The following ERC2 variants were observed in gnomAD, a reference collection of about 807,000 sequenced individuals.
The protein encoded by ERC2 is ERC protein 2.
In ERC2, 42 loss-of-function variants were observed where a neutral mutation model predicts 114.8. The observed-to-expected ratio is 0.37, with a 90% CI of 0.29 to 0.47. ERC2 has a LOEUF of 0.47. ERC2 is among the 20% of genes least tolerant of loss of function. The pLI is 0.99. For synonymous variants in ERC2, 454 were observed against 425.5 expected (o/e 1.07, Z -0.82); for missense variants, 939 against 1,150.7 (o/e 0.82, Z 2.66).
chr3:55,910,653 TGTGA>T (rs542404233), intron 13 of ERC2, among the ~76,000 whole-genome samples: 5 of 152,326 alleles, frequency 3.3e-5, no homozygotes, highest in Admixed American at 3.3e-4. Context: ...ATCTAAATCT[TGTGA>T]GTATGAACAA....
intron 14 of ERC2, among the ~76,000 whole-genome samples, chr3:55,773,227 C>T (rs6445754): frequency 0.64 from 97,207 of 152,106 alleles, 33,713 homozygotes; most frequent in Non-Finnish European, 0.76. Flanking sequence ...ATCCTCCAAC[C>T]ATCACACAGG....
At chr3:56,334,660 C>T (rs2057773138) in intron 2 of ERC2, among the ~76,000 whole-genome samples, 1 of 152,174 alleles carries the variant, frequency 6.6e-6, no homozygotes, top group African/African-American at 2.4e-5. Context: ...GCCTGATAAA[C>T]TTACTTATCA....
intron 14 of ERC2, among the ~76,000 whole-genome samples, chr3:55,879,089 C>T (rs1371856706): frequency 1.0e-3 from 47 of 45,066 alleles, no homozygotes; most frequent in Middle Eastern, 0.012. Context: ...CTTTTTTTTT[C>T]TTTTTCTTAA....
chr3:55,795,213 G>A (rs966417974), intron 14 of ERC2, among the ~76,000 whole-genome samples: 13 of 152,166 alleles, frequency 8.5e-5, no homozygotes, highest in African/African-American at 2.7e-4. Context: ...GATCCCCTGA[G>A]TTTTTAAACC....
intron 17 of ERC2, among the ~76,000 whole-genome samples, chr3:55,591,730 A>G (rs2057900528): frequency 6.6e-6 from 1 of 152,060 alleles, no homozygotes. Flanking sequence ...ACTGCCAATC[A>G]CTGAACTCCT....
At chr3:55,808,742 T>TATATATAAAA (rs1455596885) in intron 14 of ERC2, among the ~76,000 whole-genome samples, 44 of 100,368 alleles carry the variant, frequency 4.4e-4, no homozygotes, top group African/African-American at 1.6e-3. Flanking sequence ...TATATATATA[T>TATATATAAAA]AACGTATAAC....
intron 14 of ERC2, among the ~76,000 whole-genome samples, chr3:55,779,794 C>T (rs1205385488): frequency 6.6e-6 from 1 of 152,114 alleles, no homozygotes; most frequent in Non-Finnish European, 1.5e-5. Context: ...TGAGATCATT[C>T]AAAGCAGTTC....
intron 3 of ERC2, among the ~76,000 whole-genome samples, chr3:56,223,518 C>CAA (rs60141863): frequency 4.1e-5 from 5 of 122,998 alleles, no homozygotes; most frequent in South Asian, 2.7e-4. Context: ...AGAAAAATGG[C>CAA]AAAAAAAAAA....
intron 14 of ERC2, among the ~76,000 whole-genome samples, chr3:55,813,706 A>G (rs1559697991): frequency 6.6e-6 from 1 of 152,252 alleles, no homozygotes; most frequent in Non-Finnish European, 1.5e-5. Flanking sequence ...ATGTAACACA[A>G]AAATGTTCAG....
chr3:55,585,985 A>C (rs750581252), intron 17 of ERC2, among the ~76,000 whole-genome samples: 3 of 152,228 alleles, frequency 2.0e-5, no homozygotes, highest in Non-Finnish European at 4.4e-5. Context: ...CTGCAGCCAC[A>C]GGAGGGAAGG....
At chr3:55,997,131 C>A (rs186762851) in intron 10 of ERC2, among the ~76,000 whole-genome samples, 2 of 152,232 alleles carry the variant, frequency 1.3e-5, no homozygotes, top group African/African-American at 4.8e-5. Context: ...ATAAACCCTA[C>A]CAATTTTAAT....
intron 3 of ERC2, among the ~76,000 whole-genome samples, chr3:56,271,785 A>C (rs889310163): frequency 1.3e-5 from 2 of 152,088 alleles, no homozygotes; most frequent in African/African-American, 2.4e-5. Context: ...AGTAGGTCCC[A>C]GTGTCTATTG....
chr3:56,182,789 A>G (rs2083358216), intron 3 of ERC2, among the ~76,000 whole-genome samples: 1 of 152,172 alleles, frequency 6.6e-6, no homozygotes, highest in South Asian at 2.1e-4. Context: ...GGCTTCTTTC[A>G]TTATAGGCAC....
At chr3:56,303,266 T>C (rs966906780) in intron 2 of ERC2, among the ~76,000 whole-genome samples, 4 of 152,226 alleles carry the variant, frequency 2.6e-5, no homozygotes, top group African/African-American at 7.2e-5. Context: ...CCAATCCTGT[T>C]TAGCCTTTTT....
At chr3:56,059,416 A>G (rs2076156007) in intron 7 of ERC2, among the ~76,000 whole-genome samples, 1 of 152,124 alleles carries the variant, frequency 6.6e-6, no homozygotes, top group Non-Finnish European at 1.5e-5. Context: ...TGCACAGATA[A>G]TGGTTAAAAT....
At chr3:56,402,451 A>C (rs2060555413) in intron 2 of ERC2, among the ~76,000 whole-genome samples, 1 of 152,084 alleles carries the variant, frequency 6.6e-6, no homozygotes, top group African/African-American at 2.4e-5. Context: ...CTAGTCTTCT[A>C]TCTGGTCCTG....
chr3:56,438,902 C>T (rs1167737240), intron 1 of ERC2, among the ~76,000 whole-genome samples: 1 of 152,214 alleles, frequency 6.6e-6, no homozygotes, highest in Non-Finnish European at 1.5e-5. Flanking sequence ...TGGAAACACA[C>T]ACACATATAA....
At position 55,509,686 on chromosome 3, in the gene ERC2, T is replaced by G. The variant is rs1396797885; in HGVS notation, c.*1630A>C. On this transcript the variant is annotated 3_prime_UTR_variant, in exon 18 of 18. Coordinates refer to ENST00000288221, the MANE Select transcript of ERC2 (RefSeq NM_015576.3). ...GTTTCATCTTCCCCGACAAATAAGG[T>G]GTTTGTCTTTTAAATATCTCTATGG... 2 of 152,478 alleles carry G rather than the reference T, an allele frequency of 1.3e-5. No homozygotes were observed. Among genetic ancestry groups the G allele is most frequent in the Non-Finnish European group, 2.9e-5 (2 of 68,016 alleles). 9.4% of individuals were successfully genotyped at this position (152,478 alleles called of 1,614,324 possible). A position where few individuals can be genotyped will look rare whatever the true frequency, so the allele number is the denominator to read the frequency against.
intron 17 of ERC2, among the ~76,000 whole-genome samples, chr3:55,526,108 C>G (rs1258631115): frequency 1.3e-5 from 2 of 152,012 alleles, no homozygotes; most frequent in Admixed American, 1.3e-4. Context: ...GTGATGGAAG[C>G]AGAGGGTGGA....
Sources: gnomAD v4.1 joint callset for allele counts (sites outside exome capture counted in the v4.1 genomes callset) on GRCh38, gnomAD v4.1.1 for gene constraint, MANE v1.5 for transcripts, NCBI Gene and HGNC (gene_info 2026-07-23, HGNC 2026-07-21) for gene names.